Variants in ZNF804B observed in about 807,000 individuals in gnomAD.
ZNF804B encodes zinc finger protein 804B.
Under a neutral mutation model 101.4 loss-of-function variants are expected in ZNF804B, and 80 were observed. The ratio of observed to expected loss-of-function variants is 0.79; its 90% CI spans 0.66 to 0.95. The LOEUF is 0.95. Ranked by LOEUF, ZNF804B falls within the 40% of genes least tolerant of loss-of-function variation. The pLI, the probability that ZNF804B is intolerant of heterozygous loss-of-function variation, is 0.00. For missense variants in ZNF804B, 1,673 were observed against 1,561.9 expected, an observed-to-expected ratio of 1.07 and a Z score of -1.20; for synonymous variants, 622 against 558.8, an observed-to-expected ratio of 1.11 and a Z score of -1.59.
intron 1 of ZNF804B, among the ~76,000 whole-genome samples, chr7:88,780,983 A>G (rs1202233264): frequency 6.6e-6 from 1 of 152,168 alleles, no homozygotes; most frequent in Admixed American, 6.5e-5. Flanking sequence ...GCAACAAGGC[A>G]CAGTAGTATT....
At chr7:88,877,077 T>TTTTTTTTTTG (rs1791965370) in intron 1 of ZNF804B, among the ~76,000 whole-genome samples, 1 of 97,970 alleles carries the variant, frequency 1.0e-5, no homozygotes, top group African/African-American at 4.6e-5. Flanking sequence ...TTTTTTTTTT[T>TTTTTTTTTTG]GAGGCAGAGT....
At chr7:88,992,798 C>T (rs1793864777) in intron 1 of ZNF804B, among the ~76,000 whole-genome samples, 1 of 151,854 alleles carries the variant, frequency 6.6e-6, no homozygotes, top group Admixed American at 6.6e-5. Context: ...TAGAATTCTG[C>T]CTAAAATAAT....
At chr7:88,872,008 A>G (rs1305319630) in intron 1 of ZNF804B, among the ~76,000 whole-genome samples, 1 of 152,082 alleles carries the variant, frequency 6.6e-6, no homozygotes, top group Non-Finnish European at 1.5e-5. Context: ...AGTAATATGT[A>G]GGAAATTTTA....
chr7:89,203,048 A>G (rs140876408), intron 1 of ZNF804B, among the ~76,000 whole-genome samples: 1 of 152,076 alleles, frequency 6.6e-6, no homozygotes, highest in Non-Finnish European at 1.5e-5. Context: ...TACTCACACA[A>G]ATGCACATAC....
chr7:89,109,939 C>T (rs1400025913), intron 1 of ZNF804B, among the ~76,000 whole-genome samples: 1 of 151,958 alleles, frequency 6.6e-6, no homozygotes, highest in Non-Finnish European at 1.5e-5. Flanking sequence ...CTATTTGGGC[C>T]AAACTCTGTT....
intron 1 of ZNF804B, among the ~76,000 whole-genome samples, chr7:88,872,684 T>C (rs1460082926): frequency 1.3e-5 from 2 of 151,672 alleles, no homozygotes; most frequent in Non-Finnish European, 2.9e-5. Flanking sequence ...GTGTTCTCAT[T>C]GTTCAATTCC....
intron 1 of ZNF804B, among the ~76,000 whole-genome samples, chr7:89,096,575 T>C (rs979416345): frequency 6.6e-6 from 1 of 152,212 alleles, no homozygotes; most frequent in African/African-American, 2.4e-5. Context: ...GCTGTCCACG[T>C]TATTACTTGG....
intron 1 of ZNF804B, among the ~76,000 whole-genome samples, chr7:88,894,533 A>G (rs975751429): frequency 6.6e-6 from 1 of 152,280 alleles, no homozygotes; most frequent in African/African-American, 2.4e-5. Flanking sequence ...TATTAATAGC[A>G]TATTTTAGAT....
At chr7:89,242,981 A>G (rs1789392587) in intron 2 of ZNF804B, among the ~76,000 whole-genome samples, 1 of 151,856 alleles carries the variant, frequency 6.6e-6, no homozygotes, top group Admixed American at 6.6e-5. Context: ...ACAATGTTAC[A>G]TAGGAGTAGA....
rs66604616 is a variant in ZNF804B, at chr7:89,266,877, T to TTGTGTGTGTGTGTGTGTGTGTGTG, written c.249+48597_249+48598insGTGTGTGTGTGTGTGTGTGTGTGT. Among the ~76,000 whole-genome samples, 377 of 150,978 alleles carry TTGTGTGTGTGTGTGTGTGTGTGTG rather than the reference T, an allele frequency of 2.5e-3. 2 individuals are homozygous for TTGTGTGTGTGTGTGTGTGTGTGTG. Among genetic ancestry groups the TTGTGTGTGTGTGTGTGTGTGTGTG allele is most frequent in the African/African-American group, 8.9e-3 (364 of 40,960 alleles). On this transcript the variant is annotated intron_variant, in intron 2 of 3. Coordinates refer to ENST00000333190, the MANE Select transcript of ZNF804B (RefSeq NM_181646.5). ...AGTACTAATGTTTGTGTGTCTGTGTTTGTGTGTGTGTGTGTCTTTGGGAGT... is the reference window on the plus strand; with the variant it reads ...AGTACTAATGTTTGTGTGTCTGTGTTTGTGTGTGTGTGTGTGTGTGTGTGTGTGTGTGTGTGTGTCTTTGGGAGT...
At chr7:89,297,023 C>T (rs111809562) in intron 2 of ZNF804B, among the ~76,000 whole-genome samples, 2,864 of 152,036 alleles carry the variant, frequency 0.019, 80 homozygotes, top group African/African-American at 0.065. Flanking sequence ...CAAAATTGAG[C>T]GGTCAAGAAA....
intron 1 of ZNF804B, among the ~76,000 whole-genome samples, chr7:88,981,319 G>T (rs1793691071): frequency 6.6e-6 from 1 of 152,074 alleles, no homozygotes; most frequent in South Asian, 2.1e-4. Flanking sequence ...CAAAATGGGG[G>T]CTTAGGACTC....
chr7:89,215,883 CTAAA>C (rs71102024), intron 1 of ZNF804B, among the ~76,000 whole-genome samples: 6,577 of 142,774 alleles, frequency 0.046, 230 homozygotes, highest in East Asian at 0.16. Flanking sequence ...GACTCCGTCT[CTAAA>C]TAAATAAATA....
intron 1 of ZNF804B, among the ~76,000 whole-genome samples, chr7:89,048,245 G>A (rs6951618): frequency 0.47 from 70,656 of 151,076 alleles, 17,277 homozygotes; most frequent in Non-Finnish European, 0.53. Context: ...CTACTCAGCT[G>A]TAAAAAGGAA....
At chr7:89,187,342 T>C (rs1322338116) in intron 1 of ZNF804B, among the ~76,000 whole-genome samples, 1 of 152,174 alleles carries the variant, frequency 6.6e-6, no homozygotes, top group Non-Finnish European at 1.5e-5. Flanking sequence ...ACCAGTCGAT[T>C]GCAAATGGGA....
chr7:88,854,529 T>TCCTTTCCTTCCCTTCCCTTC (rs1562812904), intron 1 of ZNF804B, among the ~76,000 whole-genome samples: 43 of 57,874 alleles, frequency 7.4e-4, no homozygotes, highest in East Asian at 3.0e-3. Context: ...TTCCTTCCTT[T>TCCTTTCCTTCCCTTCCCTTC]CCTTCCTTCC....
intron 1 of ZNF804B, among the ~76,000 whole-genome samples, chr7:89,008,052 T>C (rs2116186718): frequency 6.6e-6 from 1 of 152,254 alleles, no homozygotes; most frequent in South Asian, 2.1e-4. Context: ...TACATTAGTC[T>C]AGATAATAGA....
intron 1 of ZNF804B, among the ~76,000 whole-genome samples, chr7:89,058,834 C>T (rs1789334154): frequency 6.6e-6 from 1 of 152,158 alleles, no homozygotes. Context: ...GCTAGGACTA[C>T]AGGCCTGTGC....
At chr7:89,154,578 A>G (rs1415151562) in intron 1 of ZNF804B, among the ~76,000 whole-genome samples, 5 of 152,142 alleles carry the variant, frequency 3.3e-5, no homozygotes, top group African/African-American at 1.2e-4. Flanking sequence ...ATGGAACTGG[A>G]GATCATTATG....
Sources: allele counts gnomAD v4.1 joint callset (sites outside exome capture counted in the v4.1 genomes callset), GRCh38; gene constraint gnomAD v4.1.1; transcripts MANE v1.5; gene names NCBI Gene and HGNC (gene_info 2026-07-23, HGNC 2026-07-21).